AGAP5: variants seen among roughly 807,000 people sequenced by gnomAD.
The protein encoded by AGAP5 is ArfGAP with GTPase domain, ankyrin repeat and PH domain 5, also known as arf-GAP with GTPase, ANK repeat and PH domain-containing protein 5.
AGAP5 carries 8 observed loss-of-function variants against 27.7 expected under a neutral mutation model. The observed-to-expected ratio is 0.29, with a 90% CI of 0.17 to 0.52. AGAP5 has a LOEUF of 0.52. AGAP5 is among the 20% of genes least tolerant of loss of function. The probability of loss-of-function intolerance (pLI) is 0.97; values close to 1 mark genes in which losing one functional copy is unlikely to be tolerated. For synonymous variants in AGAP5, 111 were observed against 338.0 expected (o/e 0.33, Z 7.37); for missense variants, 285 against 880.8 (o/e 0.32, Z 8.56).
intron 7 of AGAP5, among the ~76,000 whole-genome samples, chr10:73,676,415 G>A (rs1205245145): frequency 2.8e-5 from 4 of 142,668 alleles, no homozygotes; most frequent in East Asian, 1.9e-4. Context: ...GGACCTGGGA[G>A]GCAGAGCCTG....
intron 4 of AGAP5, among the ~76,000 whole-genome samples, chr10:73,685,350 A>T: frequency 5.1e-5 from 7 of 136,790 alleles, no homozygotes; most frequent in South Asian, 2.4e-4. Flanking sequence ...TTGAGCTATG[A>T]CCCTTGTATG....
intron 4 of AGAP5, among the ~76,000 whole-genome samples, chr10:73,686,750 A>T (rs561931297): frequency 3.9e-5 from 6 of 152,240 alleles, no homozygotes; most frequent in African/African-American, 1.2e-4. Context: ...GCGGATAAAG[A>T]AACTGTGATA....
At chr10:73,694,469 A>G (rs1589478458) in intron 3 of AGAP5, among the ~76,000 whole-genome samples, 1 of 152,244 alleles carries the variant, frequency 6.6e-6, no homozygotes, top group Non-Finnish European at 1.5e-5. Context: ...TCCAAAAATT[A>G]TAAAGAGAAA....
rs3998276 is a variant in AGAP5 at position 73,677,376 on chromosome 10, CTTTTTTTTTTTTT to C, written c.534-619_534-607del. On this transcript the variant is annotated intron_variant, in intron 6 of 7. Transcript: ENST00000374094. ...GAAGGCCTAAGAGGTCATAACTGTTCTTTTTTTTTTTTTTTTTTTTTTTTTTGAGACCAAGTTT... is the reference window on the plus strand; with the variant it reads ...GAAGGCCTAAGAGGTCATAACTGTTCTTTTTTTTTTTTTGAGACCAAGTTT... Among the ~76,000 whole-genome samples, 33 of 32,502 alleles carry C rather than the reference CTTTTTTTTTTTTT, an allele frequency of 1.0e-3. No homozygotes were observed. In the East Asian group the frequency reaches 0.013, roughly 13 times the overall value. The allele number at this position is 32,502 out of a possible 152,430, so 21.3% of individuals were successfully genotyped here. A position where few individuals can be genotyped will look rare whatever the true frequency, so the allele number is the denominator to read the frequency against.
intron 4 of AGAP5, among the ~76,000 whole-genome samples, chr10:73,689,841 C>T (rs563741473): frequency 6.6e-6 from 1 of 151,896 alleles, no homozygotes; most frequent in African/African-American, 2.4e-5. Flanking sequence ...GCAGCCACCC[C>T]ATCCAGGAGG....
At chr10:73,691,238 A>T (rs1245929135) in intron 4 of AGAP5, among the ~76,000 whole-genome samples, 2 of 152,240 alleles carry the variant, frequency 1.3e-5, no homozygotes, top group African/African-American at 4.8e-5. Context: ...CATGTAATGC[A>T]GAGGCACAGT....
rs529268203 is a variant in AGAP5, at chr10:73,674,538, T to C, written c.*61A>G. On this transcript the variant is annotated 3_prime_UTR_variant, in exon 8 of 8. Transcript: ENST00000374094. ...GTGATTTCCTTTTGAAATTCTGAGT[T>C]ATCCTTATTTTTCCCATTTTGTTTT... The C allele has an allele frequency of 2.2e-4, 335 of 1,545,068 alleles. 2 individuals carry two copies. The East Asian group carries it at 7.3e-3, about 34-fold the overall frequency.
At chr10:73,691,143 C>G (rs76522838) in intron 4 of AGAP5, among the ~76,000 whole-genome samples, 23,355 of 152,142 alleles carry the variant, frequency 0.15, 1,884 homozygotes, top group South Asian at 0.19. Flanking sequence ...GATAGATAAA[C>G]TAACGTAGGC....
Position 73,697,830 on chromosome 10 carries a change from C to G in AGAP5, c.-75G>C. 1 of 1,581,508 alleles carries G rather than the reference C, an allele frequency of 6.3e-7. No individual in the cohort carries two copies. The highest frequency in any genetic ancestry group is 8.5e-7 in the Non-Finnish European group (1 of 1,170,738). On this transcript the variant is annotated 5_prime_UTR_variant, in exon 1 of 8. Coordinates refer to ENST00000374094, the MANE Select transcript of AGAP5 (RefSeq NM_001144000.4). Reference sequence around the variant, plus strand: ...GCCACACACTCCCACTGTCCTAGGCCGAGGCTATGCTGCACTTGCAGAGAT... The same window carrying G: ...GCCACACACTCCCACTGTCCTAGGCGGAGGCTATGCTGCACTTGCAGAGAT...
intron 4 of AGAP5, among the ~76,000 whole-genome samples, chr10:73,690,939 A>G (rs1296780750): frequency 1.3e-5 from 2 of 152,220 alleles, no homozygotes; most frequent in Non-Finnish European, 2.9e-5. Context: ...CCCCAAACAA[A>G]CATAAAAAGC....
At chr10:73,689,771 G>A (rs2082099403) in intron 4 of AGAP5, among the ~76,000 whole-genome samples, 2 of 151,916 alleles carry the variant, frequency 1.3e-5, no homozygotes, top group African/African-American at 4.8e-5. Context: ...CGTCTGAGAA[G>A]TGAGGAGCCC....
intron 4 of AGAP5, among the ~76,000 whole-genome samples, chr10:73,691,450 T>A (rs1445672368): frequency 6.6e-6 from 1 of 152,184 alleles, no homozygotes; most frequent in Non-Finnish European, 1.5e-5. Flanking sequence ...AGCTATTCTA[T>A]TTTTGTTCTT....
chr10:73,690,206 G>A (rs2082105238), intron 4 of AGAP5, among the ~76,000 whole-genome samples: 1 of 152,238 alleles, frequency 6.6e-6, no homozygotes, highest in South Asian at 2.1e-4. Context: ...TCGGATGGTT[G>A]CCGTGTCTGT....
rs1309139246 is a variant in AGAP5 at position 73,697,776 on chromosome 10, C to T, written c.-21G>A. 46 of 1,597,336 alleles carry T rather than the reference C, an allele frequency of 2.9e-5. No individual in the cohort carries two copies. The highest frequency in any genetic ancestry group is 3.8e-5 in the Non-Finnish European group (45 of 1,179,614). On this transcript the variant is annotated 5_prime_UTR_variant, in exon 1 of 8. Coordinates refer to ENST00000374094, the MANE Select transcript of AGAP5 (RefSeq NM_001144000.4). The stretch of plus-strand genomic sequence containing the variant: ...CCCATGGGGCGCCTCTACTGTCTGC[C>T]ACCACCTGTGCCTCTGCTCACAGCT...
chr10:73,697,485 A>G, intron 1 of AGAP5, 48 bp downstream of exon 1: 1 of 1,606,988 alleles, frequency 6.2e-7, no homozygotes, highest in Non-Finnish European at 8.5e-7. Flanking sequence ...TGGGGACAGC[A>G]GCAGCCAGAG....
chr10:73,693,698 C>CAA (rs200725473), intron 3 of AGAP5, among the ~76,000 whole-genome samples: 2 of 103,416 alleles, frequency 1.9e-5, no homozygotes, highest in East Asian at 2.7e-4. Flanking sequence ...GACTCCATTT[C>CAA]AAAAAAAAAA....
chr10:73,696,794 C>A (rs1172479027), intron 2 of AGAP5, among the ~76,000 whole-genome samples: 1 of 152,136 alleles, frequency 6.6e-6, no homozygotes, highest in Non-Finnish European at 1.5e-5. Flanking sequence ...TAAAGCAGCC[C>A]ATTAAGAATA....
chr10:73,696,270 G>A (rs1184751391), intron 2 of AGAP5, among the ~76,000 whole-genome samples: 8 of 152,054 alleles, frequency 5.3e-5, no homozygotes, highest in Admixed American at 2.6e-4. Flanking sequence ...TGCCTGCCAC[G>A]GCCTCCCAAA....
intron 2 of AGAP5, 137 bp downstream of exon 2, chr10:73,696,958 T>G: frequency 7.3e-7 from 1 of 1,370,222 alleles, no homozygotes; most frequent in Non-Finnish European, 9.9e-7. Flanking sequence ...TCTGGATAGG[T>G]ACAAAGAAAA....
Sources: allele counts gnomAD v4.1 joint callset (sites outside exome capture counted in the v4.1 genomes callset), GRCh38; gene constraint gnomAD v4.1.1; transcripts MANE v1.5; gene names NCBI Gene and HGNC (gene_info 2026-07-23, HGNC 2026-07-21).